The following TMEM178B variants were observed in gnomAD, a reference collection of about 807,000 sequenced individuals.
TMEM178B encodes transmembrane protein 178B.
A neutral mutation model predicts 31.0 loss-of-function variants in TMEM178B; 5 were observed. The observed-to-expected ratio is 0.16, with a 90% confidence interval of 0.08 to 0.34. The LOEUF is 0.34. Ranked by LOEUF, TMEM178B falls within the 10% of genes least tolerant of loss-of-function variation. TMEM178B has a pLI of 1.00. For synonymous variants in TMEM178B, 164 were observed against 164.0 expected (o/e 1.00, Z 0.00); for missense variants, 275 against 400.3 (o/e 0.69, Z 2.67).
chr7:141,232,201 A>G lies in TMEM178B; in HGVS notation c.496+19497A>G, dbSNP rs574912457. The stretch of plus-strand genomic sequence containing the variant: ...TACATGTACCACATTTTCTTTATCC[A>G]GTCTATTATTGATGGGCATTTGAGT... On this transcript the variant is annotated intron_variant, in intron 2 of 3. Coordinates refer to ENST00000565468, the MANE Select transcript of TMEM178B (RefSeq NM_001195278.2). Among the ~76,000 whole-genome samples the G allele has an allele frequency of 5.2e-4, 79 of 152,282 alleles. No homozygotes were observed. The Middle Eastern group carries it at 0.01, about 20-fold the overall frequency.
At chr7:141,217,967 G>C (rs1208667113) in intron 2 of TMEM178B, among the ~76,000 whole-genome samples, 2 of 152,066 alleles carry the variant, frequency 1.3e-5, no homozygotes, top group Non-Finnish European at 2.9e-5. Flanking sequence ...TCTTCTGTCA[G>C]GACTGAGGGT....
At chr7:141,287,067 A>G (rs947725022) in intron 2 of TMEM178B, among the ~76,000 whole-genome samples, 5 of 151,752 alleles carry the variant, frequency 3.3e-5, no homozygotes, top group African/African-American at 1.2e-4. Context: ...TCTTTTCTTT[A>G]TTCCTTTCTA....
intron 1 of TMEM178B, among the ~76,000 whole-genome samples, chr7:141,122,446 T>C (rs973715767): frequency 2.0e-5 from 3 of 152,242 alleles, no homozygotes; most frequent in Non-Finnish European, 4.4e-5. Flanking sequence ...AAGAATTTTA[T>C]GCTTGTCAGT....
Position 141,476,836 on chromosome 7 carries a change from G to C in TMEM178B, c.*6050G>C, listed in dbSNP as rs538853299. 6.5e-6 allele frequency: 1 copy of C among 154,970 alleles called. No individual in the cohort carries two copies. The highest frequency in any genetic ancestry group is 6.5e-5 in the Admixed American group (1 of 15,312). The allele number at this position is 154,970 out of a possible 1,614,324, so 9.6% of individuals were successfully genotyped here. ...AAGGGAAGCCATTGCTCTCTCTGTA[G>C]ATAGAGCCCAGCTGGTAACGGGGGA... is the stretch of plus-strand genomic sequence containing the variant. On this transcript the variant is annotated 3_prime_UTR_variant, in exon 4 of 4. Coordinates refer to ENST00000565468, the MANE Select transcript of TMEM178B (RefSeq NM_001195278.2).
intron 3 of TMEM178B, among the ~76,000 whole-genome samples, chr7:141,466,047 TAA>T (rs1192275479): frequency 1.3e-5 from 2 of 152,132 alleles, no homozygotes; most frequent in Non-Finnish European, 2.9e-5. Context: ...TAAAAACATA[TAA>T]ATCCTTGCTC....
rs1156846865 is a variant in TMEM178B, at chr7:141,344,233, A to G, written c.497-93375A>G. On this transcript the variant is annotated intron_variant, in intron 2 of 3. Transcript: ENST00000565468. This position sits in a 1 kb window ranked among gnomAD's most constrained non-coding sequence, Gnocchi z 4.1. ...ATTATCTCATTTAATATTCTATGCT[A>G]TAAGGTTTTATGAGTCCCATTTTAA... Among the ~76,000 whole-genome samples the G allele has an allele frequency of 1.3e-5, 2 of 152,186 alleles. No homozygotes were observed. Among genetic ancestry groups the G allele is most frequent in the South Asian group, 2.1e-4 (1 of 4,832 alleles).
At chr7:141,116,827 C>T (rs867540917) in intron 1 of TMEM178B, among the ~76,000 whole-genome samples, 56 of 152,160 alleles carry the variant, frequency 3.7e-4, no homozygotes, top group African/African-American at 1.0e-3. Flanking sequence ...TCATCCATGT[C>T]CCTGCAAAGG....
chr7:141,180,874 A>G (rs887189669), intron 1 of TMEM178B, among the ~76,000 whole-genome samples: 3 of 152,116 alleles, frequency 2.0e-5, no homozygotes, highest in Non-Finnish European at 4.4e-5. Flanking sequence ...CCACTTGTAA[A>G]CTTCTAGGTT....
intron 3 of TMEM178B, among the ~76,000 whole-genome samples, chr7:141,442,880 A>T (rs1801687082): frequency 6.6e-6 from 1 of 152,212 alleles, no homozygotes; most frequent in South Asian, 2.1e-4. Flanking sequence ...ATGGTTCAGA[A>T]TCCCAGGTAC....
chr7:141,444,497 C>G (rs989936100), intron 3 of TMEM178B, among the ~76,000 whole-genome samples: 1 of 152,174 alleles, frequency 6.6e-6, no homozygotes, highest in Non-Finnish European at 1.5e-5. Context: ...CTCTTGTTGT[C>G]TTTATTTGAA....
At chr7:141,470,373 AGATACTGACCTT>A in intron 3 of TMEM178B, among the ~76,000 whole-genome samples, 151 bp from the exon 4 acceptor site, 1 of 152,312 alleles carries the variant, frequency 6.6e-6, no homozygotes, top group South Asian at 2.1e-4. Context: ...GAATATTTCC[AGATACTGACCTT>A]GGTGATAACC....
intron 2 of TMEM178B, among the ~76,000 whole-genome samples, chr7:141,347,524 C>T (rs1799640914): frequency 6.6e-6 from 1 of 152,104 alleles, no homozygotes; most frequent in Non-Finnish European, 1.5e-5. Context: ...TTAGGAGCCA[C>T]ATTGTGCAAA....
intron 3 of TMEM178B, among the ~76,000 whole-genome samples, chr7:141,441,582 C>T (rs1801660290): frequency 6.6e-6 from 1 of 152,160 alleles, no homozygotes; most frequent in Non-Finnish European, 1.5e-5. Context: ...GGGACAACAT[C>T]AGCAGTGCCT....
Position 141,315,422 on chromosome 7 carries a change from A to G in TMEM178B, c.496+102718A>G, listed in dbSNP as rs145838824. On this transcript the variant is annotated intron_variant, in intron 2 of 3. Coordinates refer to ENST00000565468, the MANE Select transcript of TMEM178B (RefSeq NM_001195278.2). ...TGTGTCCCTGGAACACGCCAAGGGC[A>G]GTCCTGTCCCACACCTATGCTTTTG... Among the ~76,000 whole-genome samples the G allele has an allele frequency of 6.6e-5, 10 of 152,310 alleles. No individual in the cohort carries two copies. The East Asian group carries it at 1.9e-3, about 29-fold the overall frequency.
At chr7:141,431,447 C>T (rs1013784799) in intron 2 of TMEM178B, among the ~76,000 whole-genome samples, 3 of 152,166 alleles carry the variant, frequency 2.0e-5, no homozygotes, top group African/African-American at 4.8e-5. Context: ...TCCTCCTCCA[C>T]CTTCCCTCAT....
chr7:141,312,353 A>G (rs2116459675), intron 2 of TMEM178B, among the ~76,000 whole-genome samples: 1 of 152,278 alleles, frequency 6.6e-6, no homozygotes, highest in South Asian at 2.1e-4. Context: ...TCTGAGCTCT[A>G]TTTTCAGAAA....
intron 1 of TMEM178B, among the ~76,000 whole-genome samples, chr7:141,125,148 A>G (rs1350140617): frequency 6.6e-6 from 1 of 152,200 alleles, no homozygotes; most frequent in East Asian, 1.9e-4. Context: ...CTCCTATCTC[A>G]ACCTCAGTTT....
intron 2 of TMEM178B, among the ~76,000 whole-genome samples, chr7:141,373,308 C>T (rs1800151475): frequency 2.0e-5 from 3 of 152,132 alleles, no homozygotes; most frequent in Admixed American, 1.3e-4. Flanking sequence ...GAGATGTGAT[C>T]CTCGGACCCA....
intron 1 of TMEM178B, among the ~76,000 whole-genome samples, chr7:141,152,095 G>A (rs1034059970): frequency 6.6e-5 from 10 of 152,180 alleles, no homozygotes; most frequent in African/African-American, 2.4e-4. Context: ...GTGCAGGATT[G>A]GAGGAAGCCT....
Sources: gnomAD v4.1 joint callset for allele counts (sites outside exome capture counted in the v4.1 genomes callset) on GRCh38, gnomAD v4.1.1 for gene constraint, Gnocchi (gnomAD v3.1) non-coding constraint, MANE v1.5 for transcripts, NCBI Gene and HGNC (gene_info 2026-07-23, HGNC 2026-07-21) for gene names.